Variants in UGT2A1 observed in about 807,000 individuals in gnomAD.
The protein encoded by UGT2A1 is UDP glucuronosyltransferase family 2 member A1 complex locus.
In UGT2A1, 61 loss-of-function variants were observed where a neutral mutation model predicts 45.4. The ratio of observed to expected loss-of-function variants is 1.34; its 90% CI spans 1.09 to 1.66. UGT2A1 has a LOEUF of 1.66. Among genes scored for constraint, UGT2A1 ranks in the 40% most tolerant of loss-of-function variants. The pLI is 0.00. For missense variants in UGT2A1, 649 were observed against 574.3 expected (o/e 1.13, Z -1.33); for synonymous variants, 229 against 196.2 (o/e 1.17, Z -1.40).
intron 6 of UGT2A1, among the ~76,000 whole-genome samples, chr4:69,592,062 T>A (rs1718623942): frequency 6.6e-6 from 1 of 152,144 alleles, no homozygotes; most frequent in African/African-American, 2.4e-5. Context: ...AAACCAACTG[T>A]TGAGTGTCTT....
chr4:69,622,788 A>G (rs1720825964), intron 3 of UGT2A1, among the ~76,000 whole-genome samples: 1 of 151,768 alleles, frequency 6.6e-6, no homozygotes, highest in Non-Finnish European at 1.5e-5. Flanking sequence ...CAACAGGAAT[A>G]TAGACGTTCA....
At chr4:69,618,766 C>T (rs1051159206) in intron 3 of UGT2A1, among the ~76,000 whole-genome samples, 2 of 151,748 alleles carry the variant, frequency 1.3e-5, no homozygotes, top group South Asian at 2.1e-4. Flanking sequence ...ACTCCAATAC[C>T]TTTATTGGTT....
chr4:69,646,180 C>T (rs557414622), intron 2 of UGT2A1, among the ~76,000 whole-genome samples: 2 of 151,650 alleles, frequency 1.3e-5, no homozygotes, highest in African/African-American at 2.4e-5. Context: ...TAAAAGAGTG[C>T]TTAGTAAAGA....
At chr4:69,601,719 C>G (rs1424491541) in intron 3 of UGT2A1, among the ~76,000 whole-genome samples, 1 of 151,462 alleles carries the variant, frequency 6.6e-6, no homozygotes, top group Admixed American at 6.6e-5. Flanking sequence ...TCCCCTGCCA[C>G]CCCTGTCAGA....
intron 3 of UGT2A1, among the ~76,000 whole-genome samples, chr4:69,621,301 A>G (rs1720740591): frequency 6.6e-6 from 1 of 152,108 alleles, no homozygotes; most frequent in Non-Finnish European, 1.5e-5. Flanking sequence ...CAAACTTACA[A>G]GAAAGAAACA....
chr4:69,624,379 G>A (rs1392960454), intron 3 of UGT2A1, among the ~76,000 whole-genome samples: 2 of 151,090 alleles, frequency 1.3e-5, no homozygotes, highest in African/African-American at 4.8e-5. Context: ...AGATAGCACA[G>A]AGTTTAGTCT....
At chr4:69,594,414 T>C in intron 6 of UGT2A1, 63 bp downstream of exon 6, 6 of 1,570,524 alleles carry the variant, frequency 3.8e-6, no homozygotes, top group East Asian at 4.5e-5. Context: ...AGAATGTACA[T>C]TTTCTGGTAT....
intron 3 of UGT2A1, among the ~76,000 whole-genome samples, chr4:69,622,225 A>G (rs1444981263): frequency 6.6e-6 from 1 of 151,808 alleles, no homozygotes; most frequent in Non-Finnish European, 1.5e-5. Flanking sequence ...TTGAAAGAAA[A>G]AAGTTATGAA....
At chr4:69,606,919 G>C (rs2109907036) in intron 3 of UGT2A1, among the ~76,000 whole-genome samples, 1 of 136,192 alleles carries the variant, frequency 7.3e-6, no homozygotes, top group South Asian at 2.4e-4. Context: ...AAATAAAAGA[G>C]GATACAAACA....
intron 3 of UGT2A1, among the ~76,000 whole-genome samples, chr4:69,602,289 G>A (rs1288349558): frequency 7.4e-6 from 1 of 135,782 alleles, no homozygotes; most frequent in East Asian, 2.1e-4. Flanking sequence ...ACCAACAAAG[G>A]CACTCCAAAC....
intron 3 of UGT2A1, among the ~76,000 whole-genome samples, chr4:69,619,265 G>A (rs1170133851): frequency 6.6e-6 from 1 of 151,724 alleles, no homozygotes; most frequent in African/African-American, 2.4e-5. Context: ...GCCAAGTGTG[G>A]TGGTGCATGC....
intron 2 of UGT2A1, among the ~76,000 whole-genome samples, chr4:69,640,032 A>G (rs971547364): frequency 3.9e-5 from 6 of 152,038 alleles, no homozygotes; most frequent in South Asian, 2.1e-4. Flanking sequence ...TGCATTTGAT[A>G]TAGAATAGCT....
chr4:69,595,441 T>G (rs1221522215), intron 4 of UGT2A1, among the ~76,000 whole-genome samples, 192 bp from the exon 5 acceptor site: 1 of 152,258 alleles, frequency 6.6e-6, no homozygotes, highest in African/African-American at 2.4e-5. Context: ...ACTAATAGTC[T>G]ACCAAGTATA....
intron 6 of UGT2A1, among the ~76,000 whole-genome samples, chr4:69,589,857 T>C (rs111934444): frequency 0.013 from 2,004 of 152,288 alleles, 37 homozygotes; most frequent in African/African-American, 0.046. Context: ...TAACACAGTA[T>C]GATCAAATGT....
chr4:69,628,317 G>C (rs1274925938), intron 3 of UGT2A1, among the ~76,000 whole-genome samples: 2 of 151,760 alleles, frequency 1.3e-5, no homozygotes, highest in Non-Finnish European at 2.9e-5. Context: ...CTTTGTGCAA[G>C]AAGAGAAAAG....
In UGT2A1 at chr4:69,649,499, G is replaced by T. The variant is rs1002765265; in HGVS notation, c.-54-1801C>A. On this transcript the variant is annotated intron_variant, in intron 1 of 6. Coordinates refer to ENST00000286604, the MANE Select transcript of UGT2A1 (RefSeq NM_001252275.3). Reference sequence around the variant, plus strand: ...TCCAGTTTTAGACAACTAAAATATAGTATTTTATTCAGGTGCTATTGAGAG... The same window carrying T: ...TCCAGTTTTAGACAACTAAAATATATTATTTTATTCAGGTGCTATTGAGAG... 8.6e-5 allele frequency among the ~76,000 whole-genome samples: 13 copies of T among 152,000 alleles called. No individual in the cohort carries two copies. In the South Asian group the frequency reaches 1.4e-3, roughly 17 times the overall value.
At chr4:69,648,274 T>G (rs1314890441) in intron 1 of UGT2A1, among the ~76,000 whole-genome samples, 1 of 102,448 alleles carries the variant, frequency 9.8e-6, no homozygotes, top group Non-Finnish European at 1.9e-5. Context: ...ATTACTACTT[T>G]AGTAATATGT....
intron 5 of UGT2A1, 135 bp from the exon 6 acceptor site, chr4:69,594,831 G>A (rs949156759): frequency 5.3e-6 from 6 of 1,140,236 alleles, no homozygotes; most frequent in South Asian, 4.9e-5. Context: ...AGATCACATA[G>A]GGCATTGGAA....
chr4:69,628,351 T>C (rs770603672), intron 3 of UGT2A1, among the ~76,000 whole-genome samples: 7 of 151,804 alleles, frequency 4.6e-5, no homozygotes, highest in Non-Finnish European at 8.8e-5. Flanking sequence ...ACTCCCTAGT[T>C]TCAAAATACA....
Sources: gnomAD v4.1 joint callset for allele counts (sites outside exome capture counted in the v4.1 genomes callset) on GRCh38, gnomAD v4.1.1 for gene constraint, MANE v1.5 for transcripts, NCBI Gene and HGNC (gene_info 2026-07-23, HGNC 2026-07-21) for gene names.